KDM1B: variants seen among roughly 807,000 people sequenced by gnomAD.
KDM1B encodes lysine demethylase 1B.
A neutral mutation model predicts 107.4 loss-of-function variants in KDM1B; 63 were observed. The ratio of observed to expected loss-of-function variants is 0.59; its 90% CI spans 0.48 to 0.72. The LOEUF is 0.72. KDM1B is among the 30% of genes least tolerant of loss of function. The pLI is 0.00. For synonymous variants in KDM1B, 363 were observed against 363.9 expected (o/e 1.00, Z 0.03); for missense variants, 749 against 1,020.8 (o/e 0.73, Z 3.63).
At chr6:18,181,089 G>A (rs1786437744) in intron 7 of KDM1B, among the ~76,000 whole-genome samples, 1 of 152,164 alleles carries the variant, frequency 6.6e-6, no homozygotes, top group Non-Finnish European at 1.5e-5. Context: ...AAGGTTTTCT[G>A]TAGAACACTT....
intron 17 of KDM1B, among the ~76,000 whole-genome samples, chr6:18,208,603 G>GTGTGTGTGTATGTATATATATATA (rs1359166965): frequency 2.9e-5 from 1 of 34,896 alleles, no homozygotes; most frequent in Non-Finnish European, 4.8e-5. Flanking sequence ...GTATGTGTAT[G>GTGTGTGTGTATGTATATATATATA]TATATATATA....
At position 18,208,248 on chromosome 6, in the gene KDM1B, TG is replaced by T. The variant is rs1788526551; in HGVS notation, c.1866+43del. On this transcript the variant is annotated intron_variant, in intron 17 of 21. Coordinates refer to ENST00000650836, the MANE Select transcript of KDM1B (RefSeq NM_001364614.2). Reference sequence around the variant, plus strand: ...TACAAGGGTGGGTAGAAACCTTTGCTGCCAGGGGCTTGGAGGGAAGGACAAA... The same window carrying T: ...TACAAGGGTGGGTAGAAACCTTTGCTCCAGGGGCTTGGAGGGAAGGACAAA... The T allele has an allele frequency of 2.1e-6, 3 of 1,428,974 alleles. No individual in the cohort carries two copies. The South Asian group carries it at 3.6e-5, about 17-fold the overall frequency. The allele number at this position is 1,428,974 out of a possible 1,614,324, so 88.5% of individuals were successfully genotyped here.
At position 18,204,495 on chromosome 6, in the gene KDM1B, A is replaced by C. The variant is rs1561945139; in HGVS notation, c.1532-1042A>C. On this transcript the variant is annotated intron_variant, in intron 14 of 21. Transcript: ENST00000650836. This position sits in a 1 kb window ranked among gnomAD's most constrained non-coding sequence, Gnocchi z 4.9. ...TCTCAGGAAAAAAAAGAAAAAGAAA[A>C]CACCACCAGAAAAAGAAACGTGGAG... 6.6e-6 allele frequency among the ~76,000 whole-genome samples: 1 copy of C among 152,084 alleles called. No individual in the cohort carries two copies. Among genetic ancestry groups the C allele is most frequent in the Non-Finnish European group, 1.5e-5 (1 of 68,012 alleles).
At chr6:18,164,458 TC>T (rs1490580319) in intron 5 of KDM1B, among the ~76,000 whole-genome samples, 3 of 152,180 alleles carry the variant, frequency 2.0e-5, no homozygotes, top group African/African-American at 7.2e-5. Flanking sequence ...ATTTTTAAGC[TC>T]TGTTGTTAAC....
chr6:18,218,187 C>T (rs1295001477), intron 21 of KDM1B, among the ~76,000 whole-genome samples: 1 of 152,100 alleles, frequency 6.6e-6, no homozygotes, highest in Non-Finnish European at 1.5e-5. Flanking sequence ...GTGGTACAGT[C>T]CTAGCTCACT....
chr6:18,216,156 T>C lies in KDM1B; in HGVS notation c.2232+1027T>C, dbSNP rs1182812084. ...GTGCAGTGGCACAATCTTGGCTCAC[T>C]GCAACCTCCACCTCCCGGGTTCAAG... On this transcript the variant is annotated intron_variant, in intron 20 of 21. Transcript: ENST00000650836. Among the ~76,000 whole-genome samples, 4 of 152,328 alleles carry C rather than the reference T, an allele frequency of 2.6e-5. No homozygotes were observed. The South Asian group carries it at 8.3e-4, about 32-fold the overall frequency.
intron 7 of KDM1B, among the ~76,000 whole-genome samples, chr6:18,174,072 C>T (rs935875588): frequency 2.6e-5 from 4 of 152,230 alleles, no homozygotes; most frequent in African/African-American, 9.6e-5. Flanking sequence ...GCGTGAGCCA[C>T]TGCGCCCGGC....
chr6:18,198,656 A>C (rs898447451), intron 12 of KDM1B, among the ~76,000 whole-genome samples: 2 of 147,698 alleles, frequency 1.4e-5, no homozygotes, highest in Admixed American at 6.8e-5. Flanking sequence ...AAAAAAAAAA[A>C]ACAAAACGCC....
rs563043068 is a variant in KDM1B, at chr6:18,208,876, G to C, written c.1866+670G>C. Among the ~76,000 whole-genome samples the C allele has an allele frequency of 2.4e-4, 35 of 148,870 alleles. No individual in the cohort carries two copies. The East Asian group carries it at 6.0e-3, about 25-fold the overall frequency. On this transcript the variant is annotated intron_variant, in intron 17 of 21. Transcript: ENST00000650836. ...TCACCCTGTTAGCCAGGATGGTCTC[G>C]ATCTCCTGACCTCATGATCCGCCCG...
At chr6:18,169,215 A>G (rs990432001) in intron 6 of KDM1B, among the ~76,000 whole-genome samples, 1 of 150,100 alleles carries the variant, frequency 6.7e-6, no homozygotes, top group African/African-American at 2.4e-5. Context: ...GTTGAGTTGT[A>G]AGAATTATAT....
chr6:18,213,549 C>G lies in KDM1B; in HGVS notation c.1984-107C>G. 1 of 1,112,756 alleles carries G rather than the reference C, an allele frequency of 9.0e-7. No individual in the cohort carries two copies. The highest frequency in any genetic ancestry group is 1.3e-6 in the Non-Finnish European group (1 of 748,482). 68.9% of individuals were successfully genotyped at this position (1,112,756 alleles called of 1,614,324 possible). On this transcript the variant is annotated intron_variant, in intron 18 of 21. Coordinates refer to ENST00000650836, the MANE Select transcript of KDM1B (RefSeq NM_001364614.2). This position sits in a 1 kb window ranked among gnomAD's most constrained non-coding sequence, Gnocchi z 5.9. Reference sequence around the variant, plus strand: ...AGAGCGGTATTTGGGGTTGTTCTTTCGGGCAGTGTCTTTGTTTTAGAGTAG... The same window carrying G: ...AGAGCGGTATTTGGGGTTGTTCTTTGGGGCAGTGTCTTTGTTTTAGAGTAG...
At position 18,174,373 on chromosome 6, in the gene KDM1B, T is replaced by C. The variant is rs562728162; in HGVS notation, c.534+2894T>C. Among the ~76,000 whole-genome samples the C allele has an allele frequency of 2.0e-5, 3 of 152,320 alleles. No homozygotes were observed. The East Asian group carries it at 5.8e-4, about 29-fold the overall frequency. On this transcript the variant is annotated intron_variant, in intron 7 of 21. Coordinates refer to ENST00000650836, the MANE Select transcript of KDM1B (RefSeq NM_001364614.2). ...GAATGCATTGAATCTATGGGTCATTTGGAGAAGTGACATCTTTACATTTTT... is the reference window on the plus strand; with the variant it reads ...GAATGCATTGAATCTATGGGTCATTCGGAGAAGTGACATCTTTACATTTTT...
rs532587395 is a variant in KDM1B, at chr6:18,217,817, G to C, written c.2317G>C (p.Gly773Arg). 1.2e-5 allele frequency: 19 copies of C among 1,613,886 alleles called. No individual in the cohort carries two copies. Among genetic ancestry groups the C allele is most frequent in the Non-Finnish European group, 1.6e-5 (19 of 1,179,938 alleles). Residue 773 changes from glycine (G) to arginine (R), a missense_variant, in exon 21 of 22, where the codon GGT becomes CGT. Coordinates refer to ENST00000650836, the MANE Select transcript of KDM1B (RefSeq NM_001364614.2). ...IQMAYSFVKT[G>R]GSGEAYDIIA... ...GATGGCATACAGTTTTGTGAAGACA[G>C]GTGGAAGTGGGGAGGCCTACGATAT...
intron 7 of KDM1B, among the ~76,000 whole-genome samples, chr6:18,173,419 T>C (rs906873400): frequency 1.3e-5 from 2 of 152,228 alleles, no homozygotes; most frequent in African/African-American, 4.8e-5. Flanking sequence ...GATATAACCA[T>C]GTATTTTGAA....
At chr6:18,217,470 CT>C (rs1439449970) in intron 20 of KDM1B, among the ~76,000 whole-genome samples, 1 of 151,132 alleles carries the variant, frequency 6.6e-6, no homozygotes, top group Non-Finnish European at 1.5e-5. Flanking sequence ...GCTCCGCCTC[CT>C]GGGTTCACGC....
intron 5 of KDM1B, among the ~76,000 whole-genome samples, chr6:18,165,940 GA>G (rs1785269067): frequency 6.6e-6 from 1 of 152,196 alleles, no homozygotes; most frequent in Non-Finnish European, 1.5e-5. Flanking sequence ...AGCACACCAT[GA>G]TTCATGATTG....
At chr6:18,196,130 G>C (rs1787636215) in intron 10 of KDM1B, among the ~76,000 whole-genome samples, 1 of 152,146 alleles carries the variant, frequency 6.6e-6, no homozygotes, top group South Asian at 2.1e-4. Flanking sequence ...ATGTGCTTCT[G>C]GTTCAACCAT....
intron 7 of KDM1B, among the ~76,000 whole-genome samples, chr6:18,180,216 T>A (rs1270592798): frequency 6.6e-6 from 1 of 151,938 alleles, no homozygotes; most frequent in Non-Finnish European, 1.5e-5. Context: ...GCTGCGTGGC[T>A]GCACTGATGG....
Position 18,222,314 on chromosome 6 carries a change from C to G in KDM1B, c.*322C>G, listed in dbSNP as rs1789819188. On this transcript the variant is annotated 3_prime_UTR_variant, in exon 22 of 22. Coordinates refer to ENST00000650836, the MANE Select transcript of KDM1B (RefSeq NM_001364614.2). ...ATGGCTGGAAGTTCCCTTTAGATTT[C>G]ACATTTTATATGGCTGATCAATTTT... 4 of 407,684 alleles carry G rather than the reference C, an allele frequency of 9.8e-6. No homozygotes were observed. The highest frequency in any genetic ancestry group is 1.9e-5 in the Non-Finnish European group (4 of 214,076). The allele number at this position is 407,684 out of a possible 1,614,324, so 25.3% of individuals were successfully genotyped here.
Sources: gnomAD v4.1 joint callset for allele counts (sites outside exome capture counted in the v4.1 genomes callset) on GRCh38, gnomAD v4.1.1 for gene constraint, Gnocchi (gnomAD v3.1) non-coding constraint, MANE v1.5 for transcripts, NCBI Gene and HGNC (gene_info 2026-07-23, HGNC 2026-07-21) for gene names.